STK17A: variants seen among roughly 807,000 people sequenced by gnomAD.
The protein encoded by STK17A is serine/threonine kinase 17a, also known as serine/threonine-protein kinase 17A.
A neutral mutation model predicts 43.7 loss-of-function variants in STK17A; 26 were observed. The observed-to-expected ratio is 0.60, with a 90% CI of 0.44 to 0.83. STK17A has a LOEUF of 0.83. STK17A is among the 40% of genes least tolerant of loss of function. STK17A has a pLI of 0.00. For missense variants in STK17A, 476 were observed against 511.6 expected, an observed-to-expected ratio of 0.93 and a Z score of 0.67; for synonymous variants, 191 against 182.5, an observed-to-expected ratio of 1.05 and a Z score of -0.38.
intron 3 of STK17A, among the ~76,000 whole-genome samples, chr7:43,611,125 AAAAAG>A (rs1304580824): frequency 2.6e-5 from 4 of 152,240 alleles, no homozygotes; most frequent in Admixed American, 6.5e-5. Context: ...TCAAAACAAA[AAAAAG>A]AGGATACAGT....
chr7:43,584,635 C>T (rs1344235685), intron 1 of STK17A, among the ~76,000 whole-genome samples: 1 of 151,638 alleles, frequency 6.6e-6, no homozygotes, highest in Non-Finnish European at 1.5e-5. Flanking sequence ...CACTGCCTTA[C>T]ACATATTAAG....
chr7:43,613,913 T>G (rs997666826), intron 3 of STK17A, among the ~76,000 whole-genome samples: 1 of 152,308 alleles, frequency 6.6e-6, no homozygotes, highest in East Asian at 1.9e-4. Context: ...GCTGGGACTT[T>G]CCATATGAGA....
In STK17A at chr7:43,583,234, C is replaced by T. The variant is rs2082412434; in HGVS notation, c.-10C>T. 2 of 1,555,364 alleles carry T rather than the reference C, an allele frequency of 1.3e-6. No homozygotes were observed. The highest frequency in any genetic ancestry group is 1.4e-5 in the African/African-American group (1 of 69,990). On this transcript the variant is annotated 5_prime_UTR_variant, in exon 1 of 7. Coordinates refer to ENST00000319357, the MANE Select transcript of STK17A (RefSeq NM_004760.3). Reference sequence around the variant, plus strand: ...AACAGGCGGCCAGGAAAGAAGCGGGCCTGAACACCATGATCCCTTTGGAGA... The same window carrying T: ...AACAGGCGGCCAGGAAAGAAGCGGGTCTGAACACCATGATCCCTTTGGAGA...
chr7:43,597,077 G>A (rs146748547), intron 2 of STK17A, among the ~76,000 whole-genome samples: 48 of 152,032 alleles, frequency 3.2e-4, no homozygotes, highest in African/African-American at 1.1e-3. Flanking sequence ...AGACAAACTC[G>A]GAAAAATACC....
chr7:43,619,074 T>G (rs2083608881), intron 3 of STK17A, among the ~76,000 whole-genome samples: 1 of 152,180 alleles, frequency 6.6e-6, no homozygotes, highest in Non-Finnish European at 1.5e-5. Context: ...AATACAAGGA[T>G]GCTTGACAGT....
intron 4 of STK17A, 127 bp downstream of exon 4, chr7:43,619,850 T>C: frequency 7.9e-7 from 1 of 1,261,990 alleles, no homozygotes; most frequent in Non-Finnish European, 1.1e-6. Flanking sequence ...ATCAGAGATC[T>C]ATTCCTTTGG....
At chr7:43,583,699 C>T (rs1031862218) in intron 1 of STK17A, among the ~76,000 whole-genome samples, 5 of 152,212 alleles carry the variant, frequency 3.3e-5, no homozygotes, top group African/African-American at 9.6e-5. Context: ...GAGGCGCGGA[C>T]ACTTTCCTCA....
rs553003154 is a variant in STK17A at position 43,625,535 on chromosome 7, C to G, written c.*693C>G. ...AAATTATTCTGGGTTTAGGTGTCAG[C>G]TCTTGAGCTGCTTCCCTCATCACAC... On this transcript the variant is annotated 3_prime_UTR_variant, in exon 7 of 7. Transcript: ENST00000319357. The G allele has an allele frequency of 6.6e-6, 1 of 152,304 alleles. No homozygotes were observed. Among genetic ancestry groups the G allele is most frequent in the South Asian group, 2.1e-4 (1 of 4,822 alleles). The allele number at this position is 152,304 out of a possible 1,614,324, so 9.4% of individuals were successfully genotyped here.
chr7:43,617,546 T>A (rs1409999198), intron 3 of STK17A, among the ~76,000 whole-genome samples: 1 of 152,026 alleles, frequency 6.6e-6, no homozygotes, highest in Non-Finnish European at 1.5e-5. Flanking sequence ...TGAGGGATGA[T>A]CATAGCATTC....
chr7:43,602,898 T>A (rs1159528938), intron 2 of STK17A, among the ~76,000 whole-genome samples: 3 of 112,160 alleles, frequency 2.7e-5, no homozygotes, highest in Non-Finnish European at 7.1e-5. Context: ...ATCAGTGCAG[T>A]CAATAGCAGT....
intron 3 of STK17A, among the ~76,000 whole-genome samples, chr7:43,611,298 T>C (rs1454592583): frequency 2.0e-5 from 3 of 152,246 alleles, no homozygotes; most frequent in Non-Finnish European, 4.4e-5. Flanking sequence ...GTGGAAGTTT[T>C]CTTGTTCTCT....
chr7:43,612,551 T>A (rs10250888), intron 3 of STK17A, among the ~76,000 whole-genome samples: 2,677 of 152,342 alleles, frequency 0.018, 48 homozygotes, highest in Non-Finnish European at 0.026. Context: ...AAACTGATAA[T>A]CCCAATATGT....
At chr7:43,601,309 GAGA>G (rs1375960111) in intron 2 of STK17A, among the ~76,000 whole-genome samples, 2 of 152,162 alleles carry the variant, frequency 1.3e-5, no homozygotes, top group African/African-American at 4.8e-5. Context: ...ATACGAACAT[GAGA>G]AGCACAAAAG....
Position 43,624,925 on chromosome 7 carries a change from T to TTATCCAGTGGTTATCC in STK17A, c.*83_*84insTATCCAGTGGTTATCC. On this transcript the variant is annotated 3_prime_UTR_variant, in exon 7 of 7. Coordinates refer to ENST00000319357, the MANE Select transcript of STK17A (RefSeq NM_004760.3). Reference sequence around the variant, plus strand: ...TGGACCTCTGGCCAAATGGTACATGTACTGGAAGTGGATAACCAGTATCAC... The same window carrying TTATCCAGTGGTTATCC: ...TGGACCTCTGGCCAAATGGTACATGTTATCCAGTGGTTATCCACTGGAAGTGGATAACCAGTATCAC... 1 of 1,222,118 alleles carries TTATCCAGTGGTTATCC rather than the reference T, an allele frequency of 8.2e-7. No homozygotes were observed. Among genetic ancestry groups the TTATCCAGTGGTTATCC allele is most frequent in the African/African-American group, 1.5e-5 (1 of 65,248 alleles). The allele number at this position is 1,222,118 out of a possible 1,614,324, so 75.7% of individuals were successfully genotyped here.
chr7:43,583,494 G>T, intron 1 of STK17A, 45 bp downstream of exon 1: 1 of 1,260,374 alleles, frequency 7.9e-7, no homozygotes, highest in South Asian at 3.0e-5. Context: ...CGGACGCGCG[G>T]GGCGGGACGT....
chr7:43,594,627 T>G (rs1327199448), intron 1 of STK17A, among the ~76,000 whole-genome samples: 1 of 152,174 alleles, frequency 6.6e-6, no homozygotes, highest in Non-Finnish European at 1.5e-5. Flanking sequence ...TATCACAGCT[T>G]AATGATGTTT....
intron 3 of STK17A, among the ~76,000 whole-genome samples, chr7:43,611,921 G>A (rs763628292): frequency 6.6e-5 from 10 of 152,184 alleles, no homozygotes; most frequent in African/African-American, 1.4e-4. Context: ...TAATTAAGTA[G>A]CAAGTCAAAC....
At chr7:43,613,559 A>G (rs1015863297) in intron 3 of STK17A, among the ~76,000 whole-genome samples, 163 of 152,266 alleles carry the variant, frequency 1.1e-3, no homozygotes, top group African/African-American at 3.5e-3. Flanking sequence ...AGACTAGAAG[A>G]AGGCCAGGTG....
At chr7:43,610,535 C>T (rs992303547) in intron 3 of STK17A, among the ~76,000 whole-genome samples, 9 of 150,400 alleles carry the variant, frequency 6.0e-5, no homozygotes, top group Non-Finnish European at 1.2e-4. Context: ...AGTGTGGTGG[C>T]GCACGCCTAT....
Sources: allele counts gnomAD v4.1 joint callset (sites outside exome capture counted in the v4.1 genomes callset), GRCh38; gene constraint gnomAD v4.1.1; transcripts MANE v1.5; gene names NCBI Gene and HGNC (gene_info 2026-07-23, HGNC 2026-07-21).